Variants in CDH4 observed in about 807,000 individuals in gnomAD.
CDH4 encodes cadherin 4.
CDH4 carries 33 observed loss-of-function variants against 86.0 expected under a neutral mutation model. The observed-to-expected ratio is 0.38, with a 90% confidence interval of 0.29 to 0.51. The LOEUF (loss-of-function observed/expected upper bound fraction) is 0.51. CDH4 is among the 20% of genes least tolerant of loss of function. The pLI, the probability that CDH4 is intolerant of heterozygous loss-of-function variation, is 0.86. For synonymous variants in CDH4, 555 were observed against 549.4 expected, an observed-to-expected ratio of 1.01 and a Z score of -0.14; for missense variants, 1,114 against 1,307.4, an observed-to-expected ratio of 0.85 and a Z score of 2.28.
intron 2 of CDH4, among the ~76,000 whole-genome samples, chr20:61,271,595 T>C (rs2084183287): frequency 6.6e-6 from 1 of 152,194 alleles, no homozygotes; most frequent in Non-Finnish European, 1.5e-5. Context: ...GGTTCTCAGG[T>C]CTGTGCTCAC....
In CDH4 at chr20:61,691,084, G is replaced by A. The variant is rs559912878; in HGVS notation, c.170-52479G>A. Among the ~76,000 whole-genome samples, 30 of 152,184 alleles carry A rather than the reference G, an allele frequency of 2.0e-4. No homozygotes were observed. The South Asian group carries it at 5.4e-3, about 27-fold the overall frequency. On this transcript the variant is annotated intron_variant, in intron 2 of 15. Coordinates refer to ENST00000614565, the MANE Select transcript of CDH4 (RefSeq NM_001794.5). ...AGTGATGCCACCTCTCACAGCTCCCGGAAGTGCATGGCCACCGAGTCCCTC... is the reference window on the plus strand; with the variant it reads ...AGTGATGCCACCTCTCACAGCTCCCAGAAGTGCATGGCCACCGAGTCCCTC...
intron 3 of CDH4, among the ~76,000 whole-genome samples, chr20:61,750,780 G>C (rs1281537893): frequency 6.6e-6 from 1 of 152,238 alleles, no homozygotes; most frequent in African/African-American, 2.4e-5. Flanking sequence ...TGGGACTCGT[G>C]AGTAAGGTTA....
chr20:61,714,077 C>T (rs2087925807), intron 2 of CDH4, among the ~76,000 whole-genome samples: 1 of 127,846 alleles, frequency 7.8e-6, no homozygotes, highest in African/African-American at 3.6e-5. Flanking sequence ...GATGGAGTCT[C>T]ACTCTGTCGC....
At chr20:61,649,963 G>A (rs1361286487) in intron 2 of CDH4, among the ~76,000 whole-genome samples, 1 of 152,198 alleles carries the variant, frequency 6.6e-6, no homozygotes, top group East Asian at 1.9e-4. Context: ...TCACTGCAGA[G>A]GATGCCGGGC....
Position 61,385,014 on chromosome 20 carries a change from G to A in CDH4, c.169+130077G>A, listed in dbSNP as rs554121240. 3.9e-5 allele frequency among the ~76,000 whole-genome samples: 6 copies of A among 152,322 alleles called. No individual in the cohort carries two copies. The South Asian group carries it at 1.2e-3, about 32-fold the overall frequency. On this transcript the variant is annotated intron_variant, in intron 2 of 15. Transcript: ENST00000614565. ...GTGAGAATCTTCCTACGATGAGGAT[G>A]TGTGTCTCCAGGGAGGTTTTGCATT...
intron 2 of CDH4, among the ~76,000 whole-genome samples, chr20:61,458,009 G>C (rs544146786): frequency 1.3e-5 from 2 of 149,838 alleles, no homozygotes; most frequent in Admixed American, 1.3e-4. Flanking sequence ...GTGGTGTTGG[G>C]ATGGTGATGG....
At chr20:61,656,608 A>G (rs1382672404) in intron 2 of CDH4, among the ~76,000 whole-genome samples, 1 of 152,122 alleles carries the variant, frequency 6.6e-6, no homozygotes. Flanking sequence ...AGCTATGGTC[A>G]TAGGGGCCTC....
chr20:61,324,758 T>C (rs1189772532), intron 2 of CDH4, among the ~76,000 whole-genome samples: 1 of 152,134 alleles, frequency 6.6e-6, no homozygotes, highest in Non-Finnish European at 1.5e-5. Flanking sequence ...GTGGAGGAGA[T>C]TCTAGCGCCC....
chr20:61,537,871 G>T (rs2086009370), intron 2 of CDH4, among the ~76,000 whole-genome samples: 1 of 152,152 alleles, frequency 6.6e-6, no homozygotes, highest in African/African-American at 2.4e-5. Context: ...GCCATGAAAG[G>T]GGCCGAGCGA....
At chr20:61,495,902 CAAAAAAAA>C (rs72458954) in intron 2 of CDH4, among the ~76,000 whole-genome samples, 1 of 58,424 alleles carries the variant, frequency 1.7e-5, no homozygotes, top group African/African-American at 7.0e-5. Flanking sequence ...GACTCCATCT[CAAAAAAAA>C]AAAAAAAAAA....
At chr20:61,565,200 TGGTCGC>T (rs1248713598) in intron 2 of CDH4, among the ~76,000 whole-genome samples, 1 of 47,380 alleles carries the variant, frequency 2.1e-5, no homozygotes, top group Non-Finnish European at 4.3e-5. Flanking sequence ...CTCTTGGTGG[TGGTCGC>T]GGTGCTCTCG....
chr20:61,296,338 T>A (rs906132214), intron 2 of CDH4, among the ~76,000 whole-genome samples: 1 of 151,478 alleles, frequency 6.6e-6, no homozygotes, highest in Non-Finnish European at 1.5e-5. Context: ...TGTGTGTGTG[T>A]GTGAGAGAGA....
At chr20:61,625,228 C>T (rs1272003145) in intron 2 of CDH4, among the ~76,000 whole-genome samples, 3 of 152,174 alleles carry the variant, frequency 2.0e-5, no homozygotes, top group Non-Finnish European at 2.9e-5. Flanking sequence ...CGGACCCAGG[C>T]GTGATCCTAG....
intron 2 of CDH4, among the ~76,000 whole-genome samples, chr20:61,490,477 G>T (rs1286806429): frequency 6.6e-6 from 1 of 152,162 alleles, no homozygotes; most frequent in Non-Finnish European, 1.5e-5. Context: ...GAGGCAGGTG[G>T]ATCATGAGGT....
intron 4 of CDH4, among the ~76,000 whole-genome samples, chr20:61,837,150 G>A (rs994828572): frequency 6.6e-6 from 1 of 152,196 alleles, no homozygotes; most frequent in African/African-American, 2.4e-5. Flanking sequence ...TTGTGATTGC[G>A]CCACTGCACT....
At chr20:61,291,790 C>G (rs1436823756) in intron 2 of CDH4, among the ~76,000 whole-genome samples, 6 of 152,058 alleles carry the variant, frequency 3.9e-5, no homozygotes, top group Non-Finnish European at 7.4e-5. Context: ...GAAGGTTTGT[C>G]ACACAGGTTA....
intron 2 of CDH4, among the ~76,000 whole-genome samples, chr20:61,731,631 G>T (rs572254007): frequency 2.6e-5 from 4 of 152,314 alleles, no homozygotes; most frequent in South Asian, 2.1e-4. Flanking sequence ...CGTTTCCAGC[G>T]GGACGCCTCC....
At chr20:61,863,818 C>T (rs1370842617) in intron 6 of CDH4, among the ~76,000 whole-genome samples, 1 of 152,146 alleles carries the variant, frequency 6.6e-6, no homozygotes, top group Non-Finnish European at 1.5e-5. Context: ...GTGCCAAGCC[C>T]CACCTGGCCT....
At chr20:61,827,374 T>C (rs1439854825) in intron 4 of CDH4, among the ~76,000 whole-genome samples, 2 of 152,170 alleles carry the variant, frequency 1.3e-5, no homozygotes, top group Non-Finnish European at 2.9e-5. Flanking sequence ...TCAGTAACCA[T>C]GTTGTTTGGG....
Sources: allele counts gnomAD v4.1 joint callset (sites outside exome capture counted in the v4.1 genomes callset), GRCh38; gene constraint gnomAD v4.1.1; transcripts MANE v1.5; gene names NCBI Gene and HGNC (gene_info 2026-07-23, HGNC 2026-07-21).